SLC24A4: variants seen among roughly 807,000 people sequenced by gnomAD.
The protein encoded by SLC24A4 is sodium/potassium/calcium exchanger 4.
In SLC24A4, 53 loss-of-function variants were observed where a neutral mutation model predicts 79.0. That is an observed-to-expected ratio of 0.67 (90% CI 0.54 to 0.84). SLC24A4 has a LOEUF of 0.84. Among genes scored for constraint, SLC24A4 ranks in the 40% least tolerant of loss-of-function variants. The pLI, the probability that SLC24A4 is intolerant of heterozygous loss-of-function variation, is 0.00. For synonymous variants in SLC24A4, 323 were observed against 323.8 expected (o/e 1.00, Z 0.03); for missense variants, 731 against 822.0 (o/e 0.89, Z 1.35).
intron 2 of SLC24A4, among the ~76,000 whole-genome samples, chr14:92,428,979 TG>T (rs1483421953): frequency 6.6e-6 from 1 of 152,174 alleles, no homozygotes; most frequent in Non-Finnish European, 1.5e-5. Context: ...AAGGCAAATA[TG>T]GGGAAAGGAA....
intron 1 of SLC24A4, among the ~76,000 whole-genome samples, chr14:92,324,326 C>T (rs1055016726): frequency 2.0e-5 from 3 of 152,248 alleles, no homozygotes; most frequent in Non-Finnish European, 2.9e-5. Flanking sequence ...GAGTGGCCCG[C>T]TTTCCTATTC....
At chr14:92,368,027 G>A (rs1887949948) in intron 2 of SLC24A4, among the ~76,000 whole-genome samples, 1 of 152,248 alleles carries the variant, frequency 6.6e-6, no homozygotes, top group Non-Finnish European at 1.5e-5. Context: ...AATGAGGGAA[G>A]CAGCAGGATG....
intron 1 of SLC24A4, 127 bp downstream of exon 1, chr14:92,324,087 C>T: frequency 7.7e-7 from 1 of 1,305,044 alleles, no homozygotes; most frequent in Admixed American, 2.8e-5. Context: ...ATCCAGTCCC[C>T]TCCCCGCCGG....
intron 12 of SLC24A4, among the ~76,000 whole-genome samples, chr14:92,470,887 G>C (rs1311897464): frequency 6.6e-6 from 1 of 152,200 alleles, no homozygotes; most frequent in Non-Finnish European, 1.5e-5. Context: ...CCTGAGAAAG[G>C]CTGCCTTCTG....
chr14:92,402,550 A>G (rs754869071), intron 2 of SLC24A4, among the ~76,000 whole-genome samples: 6 of 152,126 alleles, frequency 3.9e-5, no homozygotes, highest in Non-Finnish European at 8.8e-5. Context: ...ATATTAGTCA[A>G]TTTTCATGGT....
At chr14:92,341,236 C>T (rs533728847) in intron 2 of SLC24A4, among the ~76,000 whole-genome samples, 1 of 152,282 alleles carries the variant, frequency 6.6e-6, no homozygotes, top group South Asian at 2.1e-4. Flanking sequence ...CCTCTGGTTG[C>T]TGAATAAGCT....
intron 3 of SLC24A4, among the ~76,000 whole-genome samples, chr14:92,434,711 T>G (rs1892069691): frequency 6.6e-6 from 1 of 152,214 alleles, no homozygotes; most frequent in Admixed American, 6.5e-5. Flanking sequence ...TAAGGTAGGC[T>G]AGGCTAAGGG....
At chr14:92,445,195 A>T (rs1892729377) in intron 7 of SLC24A4, 122 bp from the exon 8 acceptor site, 2 of 1,048,162 alleles carry the variant, frequency 1.9e-6, no homozygotes, top group Admixed American at 3.4e-5. Context: ...TCAGAAATGG[A>T]CCCATAACAC....
intron 2 of SLC24A4, among the ~76,000 whole-genome samples, chr14:92,326,193 G>T (rs917346443): frequency 5.9e-5 from 9 of 152,252 alleles, no homozygotes; most frequent in Non-Finnish European, 1.2e-4. Context: ...CAACTGAAAA[G>T]GTCACAGTCA....
intron 2 of SLC24A4, among the ~76,000 whole-genome samples, chr14:92,362,716 C>A (rs999346126): frequency 6.6e-6 from 1 of 152,232 alleles, no homozygotes; most frequent in Non-Finnish European, 1.5e-5. Flanking sequence ...GTGCTGCGTC[C>A]CAAGTCTCCT....
chr14:92,445,368 T>G (rs764862140), intron 8 of SLC24A4, 26 bp downstream of exon 8: 2 of 1,611,158 alleles, frequency 1.2e-6, no homozygotes, highest in African/African-American at 1.3e-5. Context: ...GTAGTTTTCA[T>G]TGTTCTTTTT....
At chr14:92,431,612 C>T (rs1023059618) in intron 2 of SLC24A4, among the ~76,000 whole-genome samples, 4 of 152,180 alleles carry the variant, frequency 2.6e-5, no homozygotes, top group African/African-American at 7.2e-5. Flanking sequence ...TCTGCCTGCT[C>T]GCAGCCTTTG....
intron 2 of SLC24A4, among the ~76,000 whole-genome samples, chr14:92,392,810 G>A (rs61975651): frequency 0.072 from 10,540 of 146,380 alleles, 499 homozygotes; most frequent in Non-Finnish European, 0.1. Context: ...CATGGGAGGC[G>A]CCATCTGTGA....
chr14:92,387,428 C>G (rs533376581), intron 2 of SLC24A4, among the ~76,000 whole-genome samples: 2 of 152,242 alleles, frequency 1.3e-5, no homozygotes, highest in Admixed American at 1.3e-4. Context: ...TTGCCCACCT[C>G]GGCCTCCCCA....
intron 2 of SLC24A4, among the ~76,000 whole-genome samples, chr14:92,395,027 A>G (rs575768278): frequency 6.6e-6 from 1 of 152,272 alleles, no homozygotes; most frequent in South Asian, 2.1e-4. Flanking sequence ...GTGGCATGGG[A>G]GCAGGAAAAC....
At chr14:92,409,213 T>C (rs534633379) in intron 2 of SLC24A4, among the ~76,000 whole-genome samples, 5 of 152,220 alleles carry the variant, frequency 3.3e-5, no homozygotes, top group African/African-American at 1.2e-4. Context: ...TCCAGGAAGT[T>C]GATGTCACAA....
Position 92,495,867 on chromosome 14 carries a change from CATT to C in SLC24A4, c.*2240_*2242del, listed in dbSNP as rs1483678906. ...TTGAGTCAAAACCTCATCAATATAT[CATT>C]GACTCCTGGGTTCCTCAGGTCATTT... On this transcript the variant is annotated 3_prime_UTR_variant, in exon 17 of 17. Transcript: ENST00000532405. 1.3e-5 allele frequency: 2 copies of C among 152,224 alleles called. No homozygotes were observed. The highest frequency in any genetic ancestry group is 4.8e-5 in the African/African-American group (2 of 41,460). The allele number at this position is 152,224 out of a possible 1,614,324, so 9.4% of individuals were successfully genotyped here.
intron 2 of SLC24A4, among the ~76,000 whole-genome samples, chr14:92,393,914 G>A (rs1185216507): frequency 1.3e-5 from 2 of 152,036 alleles, no homozygotes; most frequent in Non-Finnish European, 2.9e-5. Context: ...GGGAGGCTGA[G>A]GCAGGAGAAT....
chr14:92,386,032 C>T (rs1178247535), intron 2 of SLC24A4, among the ~76,000 whole-genome samples: 1 of 152,180 alleles, frequency 6.6e-6, no homozygotes, highest in Admixed American at 6.5e-5. Flanking sequence ...TGGCAGGGAG[C>T]TGGGTCCTGT....
Sources: allele counts gnomAD v4.1 joint callset (sites outside exome capture counted in the v4.1 genomes callset), GRCh38; gene constraint gnomAD v4.1.1; transcripts MANE v1.5; gene names NCBI Gene and HGNC (gene_info 2026-07-23, HGNC 2026-07-21).